PAPPA2: variants seen among roughly 807,000 people sequenced by gnomAD.
PAPPA2 encodes the protein pappalysin-2.
A neutral mutation model predicts 176.4 loss-of-function variants in PAPPA2; 86 were observed. The ratio of observed to expected loss-of-function variants is 0.49; its 90% CI spans 0.41 to 0.58. PAPPA2 has a LOEUF of 0.58. Ranked by LOEUF, PAPPA2 falls within the 20% of genes least tolerant of loss-of-function variation. The pLI is 0.00. For synonymous variants in PAPPA2, 809 were observed against 852.2 expected, an observed-to-expected ratio of 0.95 and a Z score of 0.88; for missense variants, 2,073 against 2,256.9, an observed-to-expected ratio of 0.92 and a Z score of 1.65.
At chr1:176,539,013 A>G (rs146524464) in intron 1 of PAPPA2, among the ~76,000 whole-genome samples, 1 of 152,268 alleles carries the variant, frequency 6.6e-6, no homozygotes, top group East Asian at 1.9e-4. Context: ...TGCTAATTCC[A>G]TGGCTGGTTC....
chr1:176,475,413 T>C (rs548904530), intron 1 of PAPPA2, among the ~76,000 whole-genome samples: 1 of 152,298 alleles, frequency 6.6e-6, no homozygotes, highest in East Asian at 1.9e-4. Flanking sequence ...TGGCCCAACA[T>C]AAGTTGTTAC....
intron 1 of PAPPA2, among the ~76,000 whole-genome samples, chr1:176,500,012 C>G (rs1292838203): frequency 6.6e-6 from 1 of 152,098 alleles, no homozygotes; most frequent in Admixed American, 6.6e-5. Flanking sequence ...CACCCTTTTG[C>G]AATTTAATTA....
At chr1:176,702,552 C>A (rs1162555146) in intron 8 of PAPPA2, 55 bp from the exon 9 acceptor site, 8 of 1,600,640 alleles carry the variant, frequency 5.0e-6, no homozygotes, top group Non-Finnish European at 6.8e-6. Context: ...ACAAAGGACC[C>A]AGGGCATGCC....
Position 176,595,348 on chromosome 1 carries a change from G to A in PAPPA2, c.1744G>A (p.Val582Met), listed in dbSNP as rs1287839565. 1.2e-6 allele frequency: 2 copies of A among 1,614,076 alleles called. No homozygotes were observed. The highest frequency in any genetic ancestry group is 2.7e-5 in the African/African-American group (2 of 74,940). ...CAATTCCACCCTGCGACACCGGGTT[G>A]TGCTTGTGAACTGTGAGCCCAGCAA... Reference protein sequence around the residue: ...VHNSTLRHRVVLVNCEPSKIG... With the variant: ...VHNSTLRHRVMLVNCEPSKIG... The change falls in exon 3 of 23, where the codon GTG becomes ATG. Residue 582 changes from valine to methionine, a missense_variant. Physicochemically the swap from Val to Met is conservative, Grantham distance 21. Around this residue, in one of 4 missense-constraint regions of PAPPA2, gnomAD observed 1,196 missense variants for 1,330.4 expected, o/e 0.90. Coordinates refer to ENST00000367662, the MANE Select transcript of PAPPA2 (RefSeq NM_020318.3).
At chr1:176,837,835 C>A (rs949469174) in intron 21 of PAPPA2, among the ~76,000 whole-genome samples, 6 of 152,170 alleles carry the variant, frequency 3.9e-5, no homozygotes, top group Non-Finnish European at 7.4e-5. Flanking sequence ...ATCAATTAGT[C>A]ATTTTTCCTT....
At position 176,671,593 on chromosome 1, in the gene PAPPA2, C is replaced by A. The variant is rs183267080; in HGVS notation, c.2137+478C>A. Among the ~76,000 whole-genome samples the A allele has an allele frequency of 3.2e-3, 480 of 152,194 alleles. 7 individuals carry two copies. Among genetic ancestry groups the A allele is most frequent in the Non-Finnish European group, 7.5e-4 (51 of 68,008 alleles). On this transcript the variant is annotated intron_variant, in intron 4 of 22. Coordinates refer to ENST00000367662, the MANE Select transcript of PAPPA2 (RefSeq NM_020318.3). The stretch of plus-strand genomic sequence containing the variant: ...GGGGAAAAGAGTGGATACCTTAACA[C>A]AAAGTGCAACTACTGAACACTTAAG...
chr1:176,483,190 C>T (rs1323838186), intron 1 of PAPPA2, among the ~76,000 whole-genome samples: 1 of 152,150 alleles, frequency 6.6e-6, no homozygotes, highest in Admixed American at 6.5e-5. Flanking sequence ...TTGCTGACTG[C>T]TCCTTTGCTG....
chr1:176,780,654 G>C (rs10913248), intron 17 of PAPPA2, among the ~76,000 whole-genome samples: 62,661 of 151,696 alleles, frequency 0.41, 14,338 homozygotes, highest in African/African-American at 0.6. Context: ...TGGCAGCTCT[G>C]TCAGGTCAGT....
intron 1 of PAPPA2, among the ~76,000 whole-genome samples, chr1:176,535,394 G>A (rs1403003208): frequency 2.0e-5 from 3 of 152,138 alleles, no homozygotes; most frequent in Non-Finnish European, 2.9e-5. Context: ...AGCGGAATTC[G>A]ACATTTTCTA....
intron 10 of PAPPA2, 79 bp from the exon 11 acceptor site, chr1:176,709,904 T>C (rs929096059): frequency 6.1e-6 from 8 of 1,309,252 alleles, no homozygotes; most frequent in Non-Finnish European, 8.5e-6. Context: ...AGAAGAAGTG[T>C]TGTGGACATT....
intron 12 of PAPPA2, among the ~76,000 whole-genome samples, chr1:176,729,688 T>C (rs999536661): frequency 2.6e-5 from 4 of 152,098 alleles, no homozygotes; most frequent in Non-Finnish European, 4.4e-5. Flanking sequence ...TTACTCGTTA[T>C]TTGTGTGCCA....
chr1:176,690,032 T>G, intron 4 of PAPPA2, 105 bp from the exon 5 acceptor site: 1 of 1,100,378 alleles, frequency 9.1e-7, no homozygotes, highest in Non-Finnish European at 1.3e-6. Context: ...AAGTGACTCC[T>G]TAGAGGCTGA....
intron 21 of PAPPA2, among the ~76,000 whole-genome samples, chr1:176,836,302 G>A (rs1667269380): frequency 6.6e-6 from 1 of 151,998 alleles, no homozygotes; most frequent in Non-Finnish European, 1.5e-5. Flanking sequence ...GCAAAAATTT[G>A]ATTAGCATCT....
chr1:176,815,316 A>G lies in PAPPA2; in HGVS notation c.5202+15184A>G, dbSNP rs115365945. Among the ~76,000 whole-genome samples, 291 of 152,214 alleles carry G rather than the reference A, an allele frequency of 1.9e-3. 1 individual carries two copies. Among genetic ancestry groups the G allele is most frequent in the African/African-American group, 6.6e-3 (273 of 41,532 alleles). ...TTATATTTATTTGTAATATTTTAAAAAATTAATTTTAATTCTATAAAAGTG... is the reference window on the plus strand; with the variant it reads ...TTATATTTATTTGTAATATTTTAAAGAATTAATTTTAATTCTATAAAAGTG... On this transcript the variant is annotated intron_variant, in intron 21 of 22. Coordinates refer to ENST00000367662, the MANE Select transcript of PAPPA2 (RefSeq NM_020318.3).
At chr1:176,647,581 A>T (rs1657475625) in intron 3 of PAPPA2, among the ~76,000 whole-genome samples, 1 of 151,492 alleles carries the variant, frequency 6.6e-6, no homozygotes, top group African/African-American at 2.4e-5. Context: ...TTTTGATTTT[A>T]TTTTTTGTAT....
Position 176,844,952 on chromosome 1 carries a change from A to C in PAPPA2, c.*2498A>C, listed in dbSNP as rs1667612368. The C allele has an allele frequency of 6.6e-6, 1 of 152,150 alleles. No individual in the cohort carries two copies. The highest frequency in any genetic ancestry group is 2.1e-4 in the South Asian group (1 of 4,830). The allele number at this position is 152,150 out of a possible 1,614,324, so 9.4% of individuals were successfully genotyped here. ...ACCACTGCTCTGGGAAAGCAAAAGGAAAGTTCCTGTTGTGTGTGAAGAGCC... is the reference window on the plus strand; with the variant it reads ...ACCACTGCTCTGGGAAAGCAAAAGGCAAGTTCCTGTTGTGTGTGAAGAGCC... On this transcript the variant is annotated 3_prime_UTR_variant, in exon 23 of 23. Coordinates refer to ENST00000367662, the MANE Select transcript of PAPPA2 (RefSeq NM_020318.3).
chr1:176,599,678 G>T (rs1415164636), intron 3 of PAPPA2, among the ~76,000 whole-genome samples: 1 of 151,468 alleles, frequency 6.6e-6, no homozygotes, highest in East Asian at 1.9e-4. Context: ...GATTCATTTG[G>T]AATTGTTTTT....
chr1:176,837,880 G>A (rs929257768), intron 21 of PAPPA2, among the ~76,000 whole-genome samples: 2 of 152,144 alleles, frequency 1.3e-5, no homozygotes, highest in African/African-American at 4.8e-5. Flanking sequence ...GACTCAAACT[G>A]TCGAGCTTCC....
rs188575203 is a variant in PAPPA2 at position 176,798,007 on chromosome 1, A to G, written c.5131-2054A>G. Among the ~76,000 whole-genome samples, 141 of 152,324 alleles carry G rather than the reference A, an allele frequency of 9.3e-4. 1 individual carries two copies. The highest frequency in any genetic ancestry group is 6.8e-3 in the Middle Eastern group (2 of 294). On this transcript the variant is annotated intron_variant, in intron 20 of 22. Coordinates refer to ENST00000367662, the MANE Select transcript of PAPPA2 (RefSeq NM_020318.3). ...CACTGAGGTAAGAAGTAGGAATGCT[A>G]GATAGTCCCTATTCTAAAGGATTTT...
Sources: allele counts gnomAD v4.1 joint callset (sites outside exome capture counted in the v4.1 genomes callset), GRCh38; gene constraint gnomAD v4.1.1; regional missense constraint gnomAD v4.1.1; transcripts MANE v1.5; gene names NCBI Gene and HGNC (gene_info 2026-07-23, HGNC 2026-07-21).